DPY19L4: variants seen among roughly 807,000 people sequenced by gnomAD.
DPY19L4 encodes the protein probable C-mannosyltransferase DPY19L4.
DPY19L4 carries 97 observed loss-of-function variants against 102.8 expected under a neutral mutation model. The observed-to-expected ratio is 0.94, with a 90% CI of 0.80 to 1.12. The LOEUF is 1.12. Among genes scored for constraint, DPY19L4 ranks in the 50% most tolerant of loss-of-function variants. DPY19L4 has a pLI of 0.00. For synonymous variants in DPY19L4, 252 were observed against 283.1 expected (o/e 0.89, Z 1.10); for missense variants, 815 against 850.4 (o/e 0.96, Z 0.52).
intron 7 of DPY19L4, among the ~76,000 whole-genome samples, chr8:94,757,657 G>A (rs937906178): frequency 1.2e-4 from 18 of 151,170 alleles, no homozygotes; most frequent in African/African-American, 1.9e-4. Flanking sequence ...TGATCCACCC[G>A]CCTCAGCCTC....
At chr8:94,737,550 G>A (rs754840909) in intron 3 of DPY19L4, among the ~76,000 whole-genome samples, 4 of 152,142 alleles carry the variant, frequency 2.6e-5, no homozygotes, top group Admixed American at 6.5e-5. Context: ...TTAGGAGGCC[G>A]AGGTGGGCGG....
chr8:94,787,497 T>C (rs1354027599), intron 17 of DPY19L4, among the ~76,000 whole-genome samples: 3 of 152,202 alleles, frequency 2.0e-5, no homozygotes, highest in Non-Finnish European at 4.4e-5. Flanking sequence ...TTATTCATTC[T>C]AGATTTCAAA....
At chr8:94,784,132 C>T (rs1032452483) in intron 17 of DPY19L4, among the ~76,000 whole-genome samples, 1 of 152,238 alleles carries the variant, frequency 6.6e-6, no homozygotes, top group Non-Finnish European at 1.5e-5. Context: ...TCACTGCAAC[C>T]TCCGCTTCCT....
intron 1 of DPY19L4, among the ~76,000 whole-genome samples, chr8:94,723,395 C>T (rs930329649): frequency 2.0e-5 from 3 of 151,962 alleles, no homozygotes; most frequent in Non-Finnish European, 2.9e-5. Context: ...ATTGCTTGAA[C>T]CCGGGAGGCG....
intron 1 of DPY19L4, among the ~76,000 whole-genome samples, chr8:94,723,466 T>G (rs1810560423): frequency 6.8e-6 from 1 of 146,358 alleles, no homozygotes; most frequent in South Asian, 2.2e-4. Context: ...AGAGTGAAAC[T>G]CCGTCTCAAA....
chr8:94,739,338 A>G, intron 4 of DPY19L4, 75 bp from the exon 5 acceptor site: 1 of 1,446,946 alleles, frequency 6.9e-7, no homozygotes, highest in African/African-American at 1.4e-5. Flanking sequence ...AATATTAAAT[A>G]TTTAAGGACT....
At chr8:94,775,723 C>A (rs1024382762) in intron 13 of DPY19L4, among the ~76,000 whole-genome samples, 1 of 152,118 alleles carries the variant, frequency 6.6e-6, no homozygotes, top group Non-Finnish European at 1.5e-5. Context: ...CAGTCTCTTC[C>A]GAGTTTGACA....
Position 94,768,409 on chromosome 8 carries a change from ATT to A in DPY19L4, c.1191_1192del (p.Asn397LysfsTer45). The A allele has an allele frequency of 6.3e-7, 1 of 1,596,904 alleles. No individual in the cohort carries two copies. The highest frequency in any genetic ancestry group is 8.5e-7 in the Non-Finnish European group (1 of 1,175,576). ...GTCTTCTATAGGAATTTTACAATGA[ATT>A]GGCTCCTCTGTCAAGAATCCCTGCA... On this transcript the variant is annotated frameshift_variant, in exon 12 of 19. Transcript: ENST00000414645. LOFTEE classifies it high-confidence loss of function.
chr8:94,732,239 C>A (rs1474490243), intron 2 of DPY19L4, among the ~76,000 whole-genome samples: 1 of 151,598 alleles, frequency 6.6e-6, no homozygotes, highest in Admixed American at 6.6e-5. Context: ...AAAAAATCAA[C>A]AAGTTGATTT....
intron 13 of DPY19L4, among the ~76,000 whole-genome samples, chr8:94,772,227 A>G (rs1586402384): frequency 6.6e-6 from 1 of 152,250 alleles, no homozygotes; most frequent in East Asian, 1.9e-4. Context: ...TATATACATG[A>G]TAGGATCCCC....
chr8:94,723,728 A>G (rs1295917023), intron 1 of DPY19L4, among the ~76,000 whole-genome samples: 1 of 152,178 alleles, frequency 6.6e-6, no homozygotes, highest in Non-Finnish European at 1.5e-5. Flanking sequence ...ACTAAAATTG[A>G]TATGTCTTAA....
rs1267457482 is a variant in DPY19L4 at position 94,783,786 on chromosome 8, T to G, written c.1832T>G (p.Leu611Arg). Residue 611 changes from leucine (L) to arginine (R), a missense_variant, in exon 17 of 19, where the codon CTC becomes CGC. By Grantham distance (102) the Leu-to-Arg change is moderately radical. Coordinates refer to ENST00000414645, the MANE Select transcript of DPY19L4 (RefSeq NM_181787.3). ...CCTCTTTACAATGATGATGATCTTC[T>G]CAAGAGAAATGAAAATGTAAGACAT... ...SLPLYNDDDL[L>R]KRNENIYQIY... 3 of 1,613,788 alleles carry G rather than the reference T, an allele frequency of 1.9e-6. No homozygotes were observed. Among genetic ancestry groups the G allele is most frequent in the Non-Finnish European group, 2.5e-6 (3 of 1,179,948 alleles).
At chr8:94,762,619 G>A (rs185161345) in intron 8 of DPY19L4, among the ~76,000 whole-genome samples, 160 of 152,300 alleles carry the variant, frequency 1.1e-3, no homozygotes, top group African/African-American at 3.7e-3. Flanking sequence ...TAGAACGTAA[G>A]CCAGGTGTGG....
rs1563618093 is a variant in DPY19L4, at chr8:94,783,749, G to T, written c.1795G>T (p.Val599Leu). The change falls in exon 17 of 19, where the codon GTG (valine) becomes TTG (leucine). Residue 599 changes from valine to leucine, a missense_variant. Transcript: ENST00000414645. ...GAIKLCTGWM[V>L]TSLPLYNDDD... ...GATTAAATTATGCACTGGATGGATG[G>T]TGACAAGTTTGCCTCTTTACAATGA... The T allele has an allele frequency of 6.2e-7, 1 of 1,614,166 alleles. No individual in the cohort carries two copies. Among genetic ancestry groups the T allele is most frequent in the Admixed American group, 1.7e-5 (1 of 60,022 alleles).
intron 6 of DPY19L4, among the ~76,000 whole-genome samples, chr8:94,751,503 A>T (rs551446036): frequency 7.3e-5 from 10 of 136,874 alleles, no homozygotes; most frequent in Admixed American, 2.2e-4. Context: ...TTATTTATTT[A>T]TTTTTTGAGA....
intron 6 of DPY19L4, chr8:94,744,672 G>A: frequency 2.4e-6 from 1 of 420,190 alleles, no homozygotes; most frequent in South Asian, 1.7e-5. Flanking sequence ...TAAACATAAT[G>A]GTTTTAAAGA....
intron 6 of DPY19L4, among the ~76,000 whole-genome samples, chr8:94,743,549 C>T (rs1811539372): frequency 1.3e-5 from 2 of 151,738 alleles, no homozygotes; most frequent in African/African-American, 2.4e-5. Flanking sequence ...GAAGCTGAGG[C>T]AGGAGGATCA....
intron 6 of DPY19L4, among the ~76,000 whole-genome samples, chr8:94,745,753 G>A (rs1444548542): frequency 6.6e-6 from 1 of 152,042 alleles, no homozygotes; most frequent in East Asian, 1.9e-4. Context: ...AGCATTGTTT[G>A]TAATAAATTT....
chr8:94,755,946 CAAT>C, intron 6 of DPY19L4, 87 bp from the exon 7 acceptor site: 1 of 1,333,210 alleles, frequency 7.5e-7, no homozygotes, highest in Non-Finnish European at 1.0e-6. Flanking sequence ...TTATGGAGAA[CAAT>C]GAGATTTGTG....
Sources: gnomAD v4.1 joint callset for allele counts (sites outside exome capture counted in the v4.1 genomes callset) on GRCh38, gnomAD v4.1.1 for gene constraint, MANE v1.5 for transcripts, NCBI Gene and HGNC (gene_info 2026-07-23, HGNC 2026-07-21) for gene names.